Variants in EFCAB14 observed in about 807,000 individuals in gnomAD.
The protein encoded by EFCAB14 is EF-hand calcium binding domain 14.
In EFCAB14, 43 loss-of-function variants were observed where a neutral mutation model predicts 56.5. The observed-to-expected ratio is 0.76, with a 90% confidence interval of 0.60 to 0.98. The LOEUF is 0.98. Ranked by LOEUF, EFCAB14 falls within the 50% of genes least tolerant of loss-of-function variation. The pLI is 0.00. For missense variants in EFCAB14, 538 were observed against 580.3 expected, an observed-to-expected ratio of 0.93 and a Z score of 0.75; for synonymous variants, 235 against 212.9, an observed-to-expected ratio of 1.10 and a Z score of -0.90.
intron 8 of EFCAB14, 55 bp from the exon 9 acceptor site, chr1:46,684,657 G>C (rs1047784373): frequency 2.9e-6 from 4 of 1,394,512 alleles, no homozygotes; most frequent in Non-Finnish European, 4.1e-6. Context: ...CTTCATCTAA[G>C]TGTCCACTGT....
intron 7 of EFCAB14, among the ~76,000 whole-genome samples, chr1:46,687,137 C>G (rs1057331052): frequency 2.0e-5 from 3 of 152,086 alleles, no homozygotes; most frequent in African/African-American, 7.2e-5. Context: ...CTCAAAATAC[C>G]ATGCTGAGCA....
chr1:46,691,650 A>G (rs977295000), intron 5 of EFCAB14, among the ~76,000 whole-genome samples, 177 bp downstream of exon 5: 11 of 152,132 alleles, frequency 7.2e-5, no homozygotes, highest in African/African-American at 2.2e-4. Flanking sequence ...TTGGCTTTTA[A>G]TTTTATCTAC....
chr1:46,698,048 T>TCG (rs1054432607), intron 3 of EFCAB14, among the ~76,000 whole-genome samples: 2 of 152,144 alleles, frequency 1.3e-5, no homozygotes, highest in African/African-American at 4.8e-5. Flanking sequence ...GATAGGGGTT[T>TCG]CGCCATGTTG....
intron 6 of EFCAB14, 115 bp from the exon 7 acceptor site, chr1:46,688,659 T>C: frequency 1.1e-6 from 1 of 885,016 alleles, no homozygotes; most frequent in South Asian, 1.8e-5. Flanking sequence ...CTCCTTTTCC[T>C]GGTTTTGACC....
chr1:46,716,917 T>C (rs951513538), intron 1 of EFCAB14, among the ~76,000 whole-genome samples: 4 of 152,218 alleles, frequency 2.6e-5, no homozygotes, highest in Admixed American at 2.6e-4. Flanking sequence ...AGAAACAGGA[T>C]CTGTAGTTTT....
At chr1:46,709,736 C>T (rs1677281023) in intron 2 of EFCAB14, among the ~76,000 whole-genome samples, 1 of 152,156 alleles carries the variant, frequency 6.6e-6, no homozygotes, top group Non-Finnish European at 1.5e-5. Flanking sequence ...ACCTGTAATC[C>T]TAGCACTTTG....
At chr1:46,680,691 A>T (rs1214122286) in intron 10 of EFCAB14, among the ~76,000 whole-genome samples, 1 of 152,230 alleles carries the variant, frequency 6.6e-6, no homozygotes, top group Non-Finnish European at 1.5e-5. Flanking sequence ...ACTAAAAAAC[A>T]CTGGATTAAA....
At chr1:46,700,478 A>T (rs559849746) in intron 3 of EFCAB14, among the ~76,000 whole-genome samples, 2 of 152,322 alleles carry the variant, frequency 1.3e-5, no homozygotes, top group South Asian at 4.1e-4. Flanking sequence ...AAGCAATTAC[A>T]TTAAGGAGGT....
At position 46,677,952 on chromosome 1, in the gene EFCAB14, T is replaced by C. The variant is rs1676721487; in HGVS notation, c.*509A>G. 1 of 153,138 alleles carries C rather than the reference T, an allele frequency of 6.5e-6. No homozygotes were observed. The highest frequency in any genetic ancestry group is 1.5e-5 in the Non-Finnish European group (1 of 68,464). The allele number at this position is 153,138 out of a possible 1,614,324, so 9.5% of individuals were successfully genotyped here. A position where few individuals can be genotyped will look rare whatever the true frequency, so the allele number is the denominator to read the frequency against. On this transcript the variant is annotated 3_prime_UTR_variant, in exon 11 of 11. Coordinates refer to ENST00000371933, the MANE Select transcript of EFCAB14 (RefSeq NM_014774.3). ...ATTTTTAATAAGTCATTTGTTCATA[T>C]CCTGTTCAAAACCATTCTTCCTACT...
chr1:46,716,635 A>G (rs561521560), intron 1 of EFCAB14, among the ~76,000 whole-genome samples, 192 bp from the exon 2 acceptor site: 54 of 152,348 alleles, frequency 3.5e-4, no homozygotes, highest in African/African-American at 1.3e-3. Context: ...ACTGGATACA[A>G]AGGTTTCAAA....
chr1:46,678,702 T>C (rs1205825212), intron 10 of EFCAB14, 66 bp from the exon 11 acceptor site: 20 of 1,458,850 alleles, frequency 1.4e-5, no homozygotes, highest in African/African-American at 2.9e-5. Flanking sequence ...TTAAAAGTAG[T>C]CTCAACTGAA....
At position 46,675,853 on chromosome 1, in the gene EFCAB14, A is replaced by G. The variant is rs1207806054; in HGVS notation, c.*2608T>C. 6.6e-6 allele frequency: 1 copy of G among 152,238 alleles called. No individual in the cohort carries two copies. The highest frequency in any genetic ancestry group is 1.5e-5 in the Non-Finnish European group (1 of 68,046). 9.4% of individuals were successfully genotyped at this position (152,238 alleles called of 1,614,324 possible). A position where few individuals can be genotyped will look rare whatever the true frequency, so the allele number is the denominator to read the frequency against. On this transcript the variant is annotated 3_prime_UTR_variant, in exon 11 of 11. Coordinates refer to ENST00000371933, the MANE Select transcript of EFCAB14 (RefSeq NM_014774.3). ...TTTAGTAAACATTATACAAGATAGT[A>G]CAAGGCAAAAGAAAACAAGGACCAA...
Position 46,707,852 on chromosome 1 carries a change from A to T in EFCAB14, c.480+54T>A, listed in dbSNP as rs1677255093. On this transcript the variant is annotated intron_variant, in intron 3 of 10. Coordinates refer to ENST00000371933, the MANE Select transcript of EFCAB14 (RefSeq NM_014774.3). The stretch of plus-strand genomic sequence containing the variant: ...CAATTCTCTATATCCTATTCATACT[A>T]AACAACCAAACAAATATTCATAGCT... The T allele has an allele frequency of 3.2e-6, 5 of 1,567,764 alleles. No individual in the cohort carries two copies. In the South Asian group the frequency reaches 5.7e-5, roughly 18 times the overall value.
rs1156688392 is a variant in EFCAB14, at chr1:46,676,325, CAG to C, written c.*2134_*2135del. On this transcript the variant is annotated 3_prime_UTR_variant, in exon 11 of 11. Transcript: ENST00000371933. Reference sequence around the variant, plus strand: ...TCAGACAAGCACAAGGTAGGAAGAACAGAAGATAAACCAAAAAACAAAATGGA... The same window carrying C: ...TCAGACAAGCACAAGGTAGGAAGAACAAGATAAACCAAAAAACAAAATGGA... 1 of 152,144 alleles carries C rather than the reference CAG, an allele frequency of 6.6e-6. No homozygotes were observed. The highest frequency in any genetic ancestry group is 1.5e-5 in the Non-Finnish European group (1 of 68,050). The allele number at this position is 152,144 out of a possible 1,614,324, so 9.4% of individuals were successfully genotyped here.
chr1:46,687,872 AT>A (rs1676912031), intron 7 of EFCAB14, among the ~76,000 whole-genome samples: 1 of 152,204 alleles, frequency 6.6e-6, no homozygotes, highest in Admixed American at 6.5e-5. Context: ...GTTTCCTGAC[AT>A]ACGCAAAAGG....
At chr1:46,716,597 A>C (rs1384123301) in intron 1 of EFCAB14, among the ~76,000 whole-genome samples, 154 bp from the exon 2 acceptor site, 1 of 152,222 alleles carries the variant, frequency 6.6e-6, no homozygotes, top group East Asian at 1.9e-4. Flanking sequence ...TAAATGAATA[A>C]ATAATATGAC....
chr1:46,703,784 T>C (rs780753591), intron 3 of EFCAB14, among the ~76,000 whole-genome samples: 2 of 152,188 alleles, frequency 1.3e-5, no homozygotes, highest in Non-Finnish European at 2.9e-5. Flanking sequence ...CAAACTCAGC[T>C]GTATATATGC....
chr1:46,695,561 A>G (rs959348650), intron 4 of EFCAB14, among the ~76,000 whole-genome samples: 1 of 152,230 alleles, frequency 6.6e-6, no homozygotes, highest in African/African-American at 2.4e-5. Context: ...CAAACTTAGC[A>G]CATATTTTTA....
chr1:46,688,776 A>G (rs972770115), intron 6 of EFCAB14, among the ~76,000 whole-genome samples: 2 of 152,188 alleles, frequency 1.3e-5, no homozygotes, highest in Admixed American at 1.3e-4. Context: ...GACTACCTAC[A>G]TGATTCACTC....
Sources: allele counts gnomAD v4.1 joint callset (sites outside exome capture counted in the v4.1 genomes callset), GRCh38; gene constraint gnomAD v4.1.1; transcripts MANE v1.5; gene names NCBI Gene and HGNC (gene_info 2026-07-23, HGNC 2026-07-21).